The following TRIM56 variants were observed in gnomAD, a reference collection of about 807,000 sequenced individuals.
The protein encoded by TRIM56 is E3 ubiquitin-protein ligase TRIM56.
Under a neutral mutation model 17.1 loss-of-function variants are expected in TRIM56, and 10 were observed. The ratio of observed to expected loss-of-function variants is 0.58; its 90% confidence interval spans 0.36 to 0.99. The LOEUF (loss-of-function observed/expected upper bound fraction) is 0.99. Among genes scored for constraint, TRIM56 ranks in the 50% least tolerant of loss-of-function variants. The pLI is 0.01. For missense variants in TRIM56, 923 were observed against 1,052.3 expected, an observed-to-expected ratio of 0.88 and a Z score of 1.70; for synonymous variants, 503 against 473.5, an observed-to-expected ratio of 1.06 and a Z score of -0.81.
At chr7:101,087,205 G>C in intron 2 of TRIM56, 37 bp downstream of exon 2, 1 of 1,073,884 alleles carries the variant, frequency 9.3e-7, no homozygotes, top group Non-Finnish European at 1.4e-6. Flanking sequence ...ATTTGGGTCA[G>C]CCCCTAGCCC....
rs966323118 is a variant in TRIM56, at chr7:101,093,402, G to C, written c.*3822G>C. On this transcript the variant is annotated 3_prime_UTR_variant, in exon 3 of 3. Transcript: ENST00000306085. ...GAAAACCATGCAGAATTGATTTGAC[G>C]AGGAAAGCCTTGGTCTCTAATACAT... The C allele has an allele frequency of 6.6e-6, 1 of 151,188 alleles. No individual in the cohort carries two copies. 9.4% of individuals were successfully genotyped at this position (151,188 alleles called of 1,614,324 possible).
Position 101,087,209 on chromosome 7 carries a change from C to T in TRIM56, c.-2+41C>T, listed in dbSNP as rs1045753054. On this transcript the variant is annotated intron_variant, in intron 2 of 2. Transcript: ENST00000306085. ...CCTTCCCGGCCATTTGGGTCAGCCC[C>T]TAGCCCTGGGGATCCGTGGGGCTTG... 5 of 1,137,346 alleles carry T rather than the reference C, an allele frequency of 4.4e-6. No homozygotes were observed. In the African/African-American group the frequency reaches 7.7e-5, roughly 18 times the overall value. 70.5% of individuals were successfully genotyped at this position (1,137,346 alleles called of 1,614,324 possible).
intron 1 of TRIM56, among the ~76,000 whole-genome samples, chr7:101,085,912 G>T (rs1046687616): frequency 1.3e-5 from 2 of 152,192 alleles, no homozygotes; most frequent in Non-Finnish European, 2.9e-5. Flanking sequence ...AATGCATTCA[G>T]CAGGAAAAGC....
rs531267340 is a variant in TRIM56 at position 101,085,493 on chromosome 7, T to C, written c.-243T>C. 12 of 152,638 alleles carry C rather than the reference T, an allele frequency of 7.9e-5. No individual in the cohort carries two copies. In the South Asian group the frequency reaches 2.5e-3, roughly 32 times the overall value. The allele number at this position is 152,638 out of a possible 1,614,324, so 9.5% of individuals were successfully genotyped here. The stretch of plus-strand genomic sequence containing the variant: ...TACAATTAGTTTCAGTTTTGTTTCT[T>C]TTCCAGGCACCCAGCAACGGCGGCC... On this transcript the variant is annotated 5_prime_UTR_variant, in exon 1 of 3. Coordinates refer to ENST00000306085, the MANE Select transcript of TRIM56 (RefSeq NM_030961.3).
In TRIM56 at chr7:101,087,539, A is replaced by T; in HGVS notation, c.227A>T (p.Asn76Ile). ...PPEGVASFKT[N>I]FFVNGLLDLV... ...GAGGGTGTGGCCTCCTTCAAGACCA[A>T]CTTCTTCGTCAATGGGCTGCTGGAC... Residue 76 changes from asparagine (N) to isoleucine (I), a missense_variant, in exon 3 of 3, where the codon AAC becomes ATC. Around this residue, in one of 3 missense-constraint regions of TRIM56, gnomAD observed 98 missense variants for 143.6 expected, o/e 0.68. Transcript: ENST00000306085. 6.2e-7 allele frequency: 1 copy of T among 1,613,050 alleles called. No individual in the cohort carries two copies. Among genetic ancestry groups the T allele is most frequent in the Non-Finnish European group, 8.5e-7 (1 of 1,179,522 alleles).
In TRIM56 at chr7:101,093,054, T is replaced by G. The variant is rs1795605149; in HGVS notation, c.*3474T>G. 5.5e-6 allele frequency: 1 copy of G among 183,300 alleles called. No homozygotes were observed. The highest frequency in any genetic ancestry group is 1.1e-5 in the Non-Finnish European group (1 of 91,528). 11.4% of individuals were successfully genotyped at this position (183,300 alleles called of 1,614,324 possible). ...ACCTTACCCCCAACCCCGTGCTCTCTGAAATATGTGCTGTGTCCACTCAGG... is the reference window on the plus strand; with the variant it reads ...ACCTTACCCCCAACCCCGTGCTCTCGGAAATATGTGCTGTGTCCACTCAGG... On this transcript the variant is annotated 3_prime_UTR_variant, in exon 3 of 3. Coordinates refer to ENST00000306085, the MANE Select transcript of TRIM56 (RefSeq NM_030961.3).
chr7:101,091,510 C>A lies in TRIM56; in HGVS notation c.*1930C>A, dbSNP rs531230385. ...GGGAGGCTGGGGTGGGTGGATCACTCAAGGTCAGGAGTTCGAGACCAGCCT... is the reference window on the plus strand; with the variant it reads ...GGGAGGCTGGGGTGGGTGGATCACTAAAGGTCAGGAGTTCGAGACCAGCCT... On this transcript the variant is annotated 3_prime_UTR_variant, in exon 3 of 3. Transcript: ENST00000306085. 4 of 296,538 alleles carry A rather than the reference C, an allele frequency of 1.3e-5. No homozygotes were observed. The highest frequency in any genetic ancestry group is 2.7e-5 in the Non-Finnish European group (4 of 149,594). 18.4% of individuals were successfully genotyped at this position (296,538 alleles called of 1,614,324 possible). A position where few individuals can be genotyped will look rare whatever the true frequency, so the allele number is the denominator to read the frequency against.
chr7:101,092,600 AGCCGC>A lies in TRIM56; in HGVS notation c.*3025_*3029del, dbSNP rs1269798809. 2.7e-5 allele frequency: 3 copies of A among 111,264 alleles called. No individual in the cohort carries two copies. The highest frequency in any genetic ancestry group is 1.7e-4 in the African/African-American group (3 of 17,598). 6.9% of individuals were successfully genotyped at this position (111,264 alleles called of 1,614,324 possible). A position where few individuals can be genotyped will look rare whatever the true frequency, so the allele number is the denominator to read the frequency against. ...GTGGGGGGTCAGCCCCCTCCCGGCCAGCCGCGCCGTCCGGGAGGGAGGTGGGGGGT... is the reference window on the plus strand; with the variant it reads ...GTGGGGGGTCAGCCCCCTCCCGGCCAGCCGTCCGGGAGGGAGGTGGGGGGT... On this transcript the variant is annotated 3_prime_UTR_variant, in exon 3 of 3. Transcript: ENST00000306085.
Position 101,088,826 on chromosome 7 carries a change from A to C in TRIM56, c.1514A>C (p.Lys505Thr). ...CSFPTRMPGD[K>T]RSPRITGLCP... The stretch of plus-strand genomic sequence containing the variant: ...TTCCCCACGCGGATGCCTGGAGACA[A>C]GCGGTCCCCCCGGATCACCGGGCTC... Residue 505 changes from lysine (K) to threonine (T), a missense_variant, in exon 3 of 3, where the codon AAG (lysine) becomes ACG (threonine). Transcript: ENST00000306085. 3 of 1,613,742 alleles carry C rather than the reference A, an allele frequency of 1.9e-6. No homozygotes were observed. The highest frequency in any genetic ancestry group is 2.5e-6 in the Non-Finnish European group (3 of 1,180,018).
chr7:101,092,052 G>C lies in TRIM56; in HGVS notation c.*2472G>C, dbSNP rs552196239. 7.9e-4 allele frequency: 234 copies of C among 295,414 alleles called. No homozygotes were observed. The highest frequency in any genetic ancestry group is 1.1e-3 in the Non-Finnish European group (175 of 154,470). The allele number at this position is 295,414 out of a possible 1,614,324, so 18.3% of individuals were successfully genotyped here. A position where few individuals can be genotyped will look rare whatever the true frequency, so the allele number is the denominator to read the frequency against. On this transcript the variant is annotated 3_prime_UTR_variant, in exon 3 of 3. Transcript: ENST00000306085. ...TGATCCGCCAGCCTCGGCCTCCGGA[G>C]GTGCCGGGATTGCAGACGGAGTCTC...
In TRIM56 at chr7:101,087,741, C is replaced by T; in HGVS notation, c.429C>T (p.Thr143=). 6.2e-7 allele frequency: 1 copy of T among 1,602,674 alleles called. No individual in the cohort carries two copies. The change falls in exon 3 of 3, where the codon ACC becomes ACT. Residue 143 remains threonine (T), a synonymous_variant. Transcript: ENST00000306085. ...DGHRCTRQTH[T]HRVVDLVGYR... is the part of the protein sequence containing the mutation. ...ACCGCTGCACCCGCCAGACCCACAC[C>T]CACCGCGTGGTGGACCTGGTGGGCT... is the stretch of plus-strand genomic sequence containing the variant.
rs1584892963 is a variant in TRIM56, at chr7:101,094,573, A to G, written c.*4993A>G. ...TCCTATGAAAGAAGAGGCAGGAGCCAGGGAGGAGGATCCCACCCGGCCGGG... is the reference window on the plus strand; with the variant it reads ...TCCTATGAAAGAAGAGGCAGGAGCCGGGGAGGAGGATCCCACCCGGCCGGG... On this transcript the variant is annotated 3_prime_UTR_variant, in exon 3 of 3. Transcript: ENST00000306085. The G allele has an allele frequency of 6.6e-6, 1 of 152,196 alleles. No individual in the cohort carries two copies. The highest frequency in any genetic ancestry group is 1.9e-4 in the East Asian group (1 of 5,186). The allele number at this position is 152,196 out of a possible 1,614,324, so 9.4% of individuals were successfully genotyped here. A position where few individuals can be genotyped will look rare whatever the true frequency, so the allele number is the denominator to read the frequency against.
Position 101,087,924 on chromosome 7 carries a change from T to C in TRIM56, c.612T>C (p.Pro204=). 6.2e-7 allele frequency: 1 copy of C among 1,601,622 alleles called. No homozygotes were observed. Among genetic ancestry groups the C allele is most frequent in the South Asian group, 1.1e-5 (1 of 90,002 alleles). The change falls in exon 3 of 3, where the codon CCT becomes CCC. Residue 204 remains proline, a synonymous_variant. Coordinates refer to ENST00000306085, the MANE Select transcript of TRIM56 (RefSeq NM_030961.3). The part of the protein sequence containing the change: ...LDPHLDHPCL[P]LAEAVRARRP... ...CCCACCTGGACCACCCCTGCCTGCC[T>C]CTGGCTGAAGCTGTGCGTGCCCGGA...
chr7:101,087,748 G>A lies in TRIM56; in HGVS notation c.436G>A (p.Val146Met), dbSNP rs1041968573. The part of the protein sequence containing the change: ...RCTRQTHTHR[V>M]VDLVGYRAGW... ...CACCCGCCAGACCCACACCCACCGC[G>A]TGGTGGACCTGGTGGGCTACAGGGC... The change falls in exon 3 of 3, where the codon GTG becomes ATG. Residue 146 changes from valine (V) to methionine (M), a missense_variant. By Grantham distance (21) the Val-to-Met change is conservative. Around this residue, in one of 3 missense-constraint regions of TRIM56, gnomAD observed 643 missense variants for 665.6 expected, o/e 0.97. Coordinates refer to ENST00000306085, the MANE Select transcript of TRIM56 (RefSeq NM_030961.3). The A allele has an allele frequency of 2.5e-6, 4 of 1,604,870 alleles. No homozygotes were observed. The highest frequency in any genetic ancestry group is 1.7e-4 in the Middle Eastern group (1 of 5,958).
In TRIM56 at chr7:101,087,906, G is replaced by T; in HGVS notation, c.594G>T (p.Leu198=). Residue 198 remains leucine, a synonymous_variant, in exon 3 of 3, where the codon CTG becomes CTT. Coordinates refer to ENST00000306085, the MANE Select transcript of TRIM56 (RefSeq NM_030961.3). ...GAGAGTGCCGCCTAGACCCCCACCT[G>T]GACCACCCCTGCCTGCCTCTGGCTG... ...LCRECRLDPH[L]DHPCLPLAEA... 2 of 1,603,194 alleles carry T rather than the reference G, an allele frequency of 1.2e-6. No homozygotes were observed. Among genetic ancestry groups the T allele is most frequent in the East Asian group, 2.2e-5 (1 of 44,628 alleles).
chr7:101,089,184 C>T lies in TRIM56; in HGVS notation c.1872C>T (p.Phe624=), dbSNP rs748508019. 1 of 1,613,328 alleles carries T rather than the reference C, an allele frequency of 6.2e-7. No individual in the cohort carries two copies. The highest frequency in any genetic ancestry group is 1.7e-5 in the Admixed American group (1 of 60,006). Residue 624 remains phenylalanine (F), a synonymous_variant, in exon 3 of 3, where the codon TTC becomes TTT. Transcript: ENST00000306085. The stretch of plus-strand genomic sequence containing the variant: ...TGGAAGGCAGCCTGGCCACCCGGTT[C>T]ATTCCTGGAGGCAAGGCCAGCCGGG... ...YNMEGSLATR[F]IPGGKASRGL...
Position 101,089,817 on chromosome 7 carries a change from G to A in TRIM56, c.*237G>A. Reference sequence around the variant, plus strand: ...GCAGGTGGGTGGAGGGGGATGCTGGGAGTTCACCTGCCTCTTGCTTTTTGT... The same window carrying A: ...GCAGGTGGGTGGAGGGGGATGCTGGAAGTTCACCTGCCTCTTGCTTTTTGT... On this transcript the variant is annotated 3_prime_UTR_variant, in exon 3 of 3. Transcript: ENST00000306085. The A allele has an allele frequency of 4.1e-6, 2 of 485,740 alleles. No homozygotes were observed. Among genetic ancestry groups the A allele is most frequent in the Non-Finnish European group, 7.5e-6 (2 of 266,084 alleles). The allele number at this position is 485,740 out of a possible 1,614,324, so 30.1% of individuals were successfully genotyped here.
Position 101,087,396 on chromosome 7 carries a change from G to A in TRIM56, c.84G>A (p.Leu28=), listed in dbSNP as rs758862843. The change falls in exon 3 of 3, where the codon CTG becomes CTA. Residue 28 remains leucine, a synonymous_variant. Transcript: ENST00000306085. The stretch of plus-strand genomic sequence containing the variant: ...CCTGTAAAATCTGCCTGGAGCAGCT[G>A]CGGGCACCCAAGACACTGCCCTGCC... ...FLACKICLEQ[L]RAPKTLPCLH... is the part of the protein sequence containing the mutation. 5.0e-6 allele frequency: 8 copies of A among 1,612,590 alleles called. No individual in the cohort carries two copies. The highest frequency in any genetic ancestry group is 6.8e-6 in the Non-Finnish European group (8 of 1,180,024).
rs1250169833 is a variant in TRIM56, at chr7:101,088,452, G to A, written c.1140G>A (p.Gly380=). 2 of 1,613,696 alleles carry A rather than the reference G, an allele frequency of 1.2e-6. No individual in the cohort carries two copies. Among genetic ancestry groups the A allele is most frequent in the South Asian group, 2.2e-5 (2 of 91,066 alleles). Residue 380 remains glycine, a synonymous_variant, in exon 3 of 3, where the codon GGG becomes GGA. Transcript: ENST00000306085. ...FEEQQPQKDG[G]KDGAGTQGGE... ...AGCAGCAGCCCCAGAAGGATGGTGGGAAAGACGGAGCTGGTACCCAGGGAG... is the reference window on the plus strand; with the variant it reads ...AGCAGCAGCCCCAGAAGGATGGTGGAAAAGACGGAGCTGGTACCCAGGGAG...
Sources: allele counts gnomAD v4.1 joint callset (sites outside exome capture counted in the v4.1 genomes callset), GRCh38; gene constraint gnomAD v4.1.1; regional missense constraint gnomAD v4.1.1; transcripts MANE v1.5; gene names NCBI Gene and HGNC (gene_info 2026-07-23, HGNC 2026-07-21).